Variants in MAD1L1 observed in about 807,000 individuals in gnomAD.
MAD1L1 encodes mitotic arrest deficient 1 like 1.
In MAD1L1, 95 loss-of-function variants were observed where a neutral mutation model predicts 96.9. The ratio of observed to expected loss-of-function variants is 0.98; its 90% confidence interval spans 0.83 to 1.16. The LOEUF (loss-of-function observed/expected upper bound fraction) is 1.16, where lower values mean the gene tolerates loss of function less well. Ranked by LOEUF, MAD1L1 falls within the 50% of genes most tolerant of loss-of-function variation. MAD1L1 has a pLI of 0.00. For missense variants in MAD1L1, 1,007 were observed against 954.4 expected (o/e 1.06, Z -0.73); for synonymous variants, 473 against 396.6 (o/e 1.19, Z -2.29).
intron 10 of MAD1L1, among the ~76,000 whole-genome samples, chr7:2,176,176 C>T (rs2128598077): frequency 6.6e-6 from 1 of 152,168 alleles, no homozygotes; most frequent in African/African-American, 2.4e-5. Flanking sequence ...GCCAAAACCT[C>T]GTCACTACTG....
At chr7:1,901,576 C>T (rs569531658) in intron 17 of MAD1L1, among the ~76,000 whole-genome samples, 1 of 152,248 alleles carries the variant, frequency 6.6e-6, no homozygotes, top group Non-Finnish European at 1.5e-5. Context: ...TTCAGCGCTC[C>T]CATCCCCTGC....
chr7:2,030,460 C>T (rs1783174042), intron 12 of MAD1L1, among the ~76,000 whole-genome samples: 2 of 152,362 alleles, frequency 1.3e-5, no homozygotes, highest in South Asian at 4.1e-4. Flanking sequence ...TGCTTCACTT[C>T]TTTCATGAAC....
intron 16 of MAD1L1, among the ~76,000 whole-genome samples, chr7:1,947,479 G>A (rs1308057631): frequency 1.3e-5 from 2 of 152,250 alleles, no homozygotes; most frequent in African/African-American, 4.8e-5. Flanking sequence ...ATGGCTCACG[G>A]AGGAGAGCGA....
intron 10 of MAD1L1, among the ~76,000 whole-genome samples, chr7:2,189,680 T>C (rs1292141436): frequency 5.3e-5 from 8 of 152,334 alleles, no homozygotes; most frequent in South Asian, 4.1e-4. Flanking sequence ...GGTACAGAGT[T>C]TGGCTTTGGG....
At chr7:1,909,974 AG>A (rs1787913612) in intron 17 of MAD1L1, among the ~76,000 whole-genome samples, 1 of 152,172 alleles carries the variant, frequency 6.6e-6, no homozygotes, top group African/African-American at 2.4e-5. Flanking sequence ...GCTTTCAAAC[AG>A]GGCACCTCTT....
At chr7:2,130,275 G>T (rs761810207) in intron 11 of MAD1L1, among the ~76,000 whole-genome samples, 1 of 152,176 alleles carries the variant, frequency 6.6e-6, no homozygotes, top group Non-Finnish European at 1.5e-5. Context: ...CAGTCACCAC[G>T]TCCTGGGGCT....
At chr7:2,054,054 A>T (rs1784294519) in intron 12 of MAD1L1, among the ~76,000 whole-genome samples, 2 of 152,202 alleles carry the variant, frequency 1.3e-5, no homozygotes, top group Non-Finnish European at 2.9e-5. Context: ...GGGCACTCCC[A>T]CCAGGGCCAG....
intron 12 of MAD1L1, among the ~76,000 whole-genome samples, chr7:2,049,333 C>T (rs1381838002): frequency 3.9e-5 from 6 of 152,336 alleles, no homozygotes; most frequent in African/African-American, 1.4e-4. Context: ...CACCTCCCTT[C>T]CCGGTGCCCC....
chr7:2,025,917 A>G (rs1782977242), intron 12 of MAD1L1, among the ~76,000 whole-genome samples: 1 of 152,232 alleles, frequency 6.6e-6, no homozygotes, highest in African/African-American at 2.4e-5. Context: ...TCTACGATTA[A>G]GATGTTTTCA....
chr7:2,007,364 C>T (rs773189466), intron 13 of MAD1L1, among the ~76,000 whole-genome samples: 5 of 152,230 alleles, frequency 3.3e-5, no homozygotes, highest in Admixed American at 6.5e-5. Flanking sequence ...ACGGTATGGC[C>T]GCTGGGAAGA....
chr7:1,994,370 T>C (rs1210581967), intron 14 of MAD1L1, among the ~76,000 whole-genome samples: 1 of 152,096 alleles, frequency 6.6e-6, no homozygotes, highest in Non-Finnish European at 1.5e-5. Flanking sequence ...TCCGCTGAAC[T>C]GAAAAGACAT....
At chr7:1,959,854 G>C (rs1022335229) in intron 15 of MAD1L1, among the ~76,000 whole-genome samples, 15 of 152,236 alleles carry the variant, frequency 9.9e-5, no homozygotes, top group Non-Finnish European at 8.8e-5. Context: ...AGATCTGCAC[G>C]GAGAACCAGG....
chr7:2,061,265 A>C (rs936666723), intron 12 of MAD1L1, among the ~76,000 whole-genome samples: 4 of 152,192 alleles, frequency 2.6e-5, no homozygotes, highest in Non-Finnish European at 5.9e-5. Flanking sequence ...TGAACCCGGG[A>C]GGCGGAGGTG....
At chr7:2,045,565 A>G (rs1357432400) in intron 12 of MAD1L1, among the ~76,000 whole-genome samples, 1 of 152,228 alleles carries the variant, frequency 6.6e-6, no homozygotes, top group African/African-American at 2.4e-5. Context: ...GAGGCTAACC[A>G]GTGGATCTAA....
At chr7:1,847,914 G>C in intron 18 of MAD1L1, 2 of 357,470 alleles carry the variant, frequency 5.6e-6, no homozygotes, top group Non-Finnish European at 1.1e-5. Flanking sequence ...CCACGCAGCT[G>C]CTCACCTACA....
chr7:2,091,365 T>A (rs573471314), intron 11 of MAD1L1, among the ~76,000 whole-genome samples: 1 of 152,236 alleles, frequency 6.6e-6, no homozygotes, highest in African/African-American at 2.4e-5. Context: ...CAGCCCTGCA[T>A]ACACAGACGC....
At chr7:1,849,044 A>ATG (rs1376420480) in intron 18 of MAD1L1, 5 of 108,278 alleles carry the variant, frequency 4.6e-5, no homozygotes, top group Non-Finnish European at 9.4e-5. Context: ...ACGGGTGTAC[A>ATG]TGTACACACA....
chr7:2,081,279 C>T (rs1266613951), intron 11 of MAD1L1, among the ~76,000 whole-genome samples: 1 of 152,204 alleles, frequency 6.6e-6, no homozygotes, highest in Non-Finnish European at 1.5e-5. Context: ...AGGGTTGCCA[C>T]ACTGGGCTCC....
At chr7:1,929,725 C>A (rs1354415411) in intron 17 of MAD1L1, among the ~76,000 whole-genome samples, 1 of 151,190 alleles carries the variant, frequency 6.6e-6, no homozygotes, top group African/African-American at 2.4e-5. Context: ...CTCGCCCATC[C>A]CCCACTGCCA....
Sources: allele counts gnomAD v4.1 joint callset (sites outside exome capture counted in the v4.1 genomes callset), GRCh38; gene constraint gnomAD v4.1.1; transcripts MANE v1.5; gene names NCBI Gene and HGNC (gene_info 2026-07-23, HGNC 2026-07-21).